The following AVEN variants were observed in gnomAD, a reference collection of about 807,000 sequenced individuals.
AVEN encodes the protein cell death regulator Aven.
Under a neutral mutation model 38.1 loss-of-function variants are expected in AVEN, and 41 were observed. That is an observed-to-expected ratio of 1.08 (90% CI 0.84 to 1.40). The LOEUF is 1.40. Ranked by LOEUF, AVEN falls within the 40% of genes most tolerant of loss-of-function variation. AVEN has a pLI of 0.00. For missense variants in AVEN, 605 were observed against 438.8 expected (o/e 1.38, Z -3.38); for synonymous variants, 206 against 171.8 (o/e 1.20, Z -1.56).
chr15:34,039,002 T>A lies in AVEN; in HGVS notation c.45A>T (p.Pro15=). Residue 15 remains proline (P), a synonymous_variant, in exon 1 of 6, where the codon CCA becomes CCT. Coordinates refer to ENST00000306730, the MANE Select transcript of AVEN (RefSeq NM_020371.3). The part of the protein sequence containing the change: ...RGARGGRGRR[P]GRGRPGGDRH... The stretch of plus-strand genomic sequence containing the variant: ...GATCTCCGCCAGGCCGGCCGCGGCC[T>A]GGCCGCCGCCCACGGCCTCCCCGAG... 1 of 1,116,638 alleles carries A rather than the reference T, an allele frequency of 9.0e-7. No homozygotes were observed. The highest frequency in any genetic ancestry group is 5.8e-5 in the East Asian group (1 of 17,254). 69.2% of individuals were successfully genotyped at this position (1,116,638 alleles called of 1,614,324 possible).
chr15:34,041,699 A>T (rs751639121), upstream of AVEN, among the ~76,000 whole-genome samples: 1 of 152,182 alleles, frequency 6.6e-6, no homozygotes, highest in Admixed American at 6.5e-5. Context: ...ACCTGATACT[A>T]TTCTAAGCAC....
intron 2 of AVEN, among the ~76,000 whole-genome samples, chr15:34,068,813 A>ATT (rs147560221): frequency 0.2 from 27,824 of 136,316 alleles, 3,628 homozygotes; most frequent in Middle Eastern, 0.28. Context: ...CTACAATCCA[A>ATT]TTTTTTTTTT....
At chr15:33,854,889 T>C, downstream of AVEN, 1 of 1,612,244 alleles carries the variant, frequency 6.2e-7, no homozygotes, top group Non-Finnish European at 8.5e-7. Flanking sequence ...CATTCTGTCA[T>C]CTGTAACTCA....
intron 2 of AVEN, among the ~76,000 whole-genome samples, chr15:33,941,634 G>T (rs1430547781): frequency 1.3e-5 from 2 of 151,686 alleles, no homozygotes; most frequent in Non-Finnish European, 2.9e-5. Context: ...TACAAAGTGA[G>T]AATAATTTAA....
Position 33,930,703 on chromosome 15 carries a change from C to T in AVEN, c.446-54708G>A, listed in dbSNP as rs56240443. ...GGGCGCGGTGGCTCACGCCTGTAAT[C>T]CCAGCACTTTGGGAGGCCGAGGCAG... is the stretch of plus-strand genomic sequence containing the variant. On this transcript the variant is annotated intron_variant, in intron 2 of 5. Transcript: ENST00000306730. Among the ~76,000 whole-genome samples the T allele has an allele frequency of 8.2e-3, 1,245 of 152,262 alleles. 10 individuals carry two copies. The highest frequency in any genetic ancestry group is 0.014 in the Non-Finnish European group (957 of 68,020).
chr15:33,870,355 CG>C (rs1567386537), intron 4 of AVEN, among the ~76,000 whole-genome samples: 1 of 152,174 alleles, frequency 6.6e-6, no homozygotes, highest in Non-Finnish European at 1.5e-5. Context: ...GCAGCCCCAT[CG>C]TTTTTATTAA....
At position 34,003,219 on chromosome 15, in the gene AVEN, T is replaced by C. The variant is rs1395743556; in HGVS notation, c.268-10A>G. On this transcript the variant is annotated splice_polypyrimidine_tract_variant and intron_variant, in intron 1 of 5. Transcript: ENST00000306730. Reference sequence around the variant, plus strand: ...CGCTGTCATCTTCAACCTGCAATCATTAGAGACAAATCAATAAGTAAGCAG... The same window carrying C: ...CGCTGTCATCTTCAACCTGCAATCACTAGAGACAAATCAATAAGTAAGCAG... The C allele has an allele frequency of 6.2e-7, 1 of 1,612,398 alleles. No individual in the cohort carries two copies. The highest frequency in any genetic ancestry group is 8.5e-7 in the Non-Finnish European group (1 of 1,179,514).
At chr15:34,060,085 C>T (rs1311635797) in intron 5 of AVEN, among the ~76,000 whole-genome samples, 1 of 152,202 alleles carries the variant, frequency 6.6e-6, no homozygotes, top group Non-Finnish European at 1.5e-5. Context: ...TCTGTGATGG[C>T]ATTTGCCTAG....
chr15:33,941,598 A>T (rs1044959681), intron 2 of AVEN, among the ~76,000 whole-genome samples: 2 of 152,222 alleles, frequency 1.3e-5, no homozygotes, highest in Admixed American at 6.5e-5. Context: ...AACAAAAATA[A>T]ACTTTTAAGC....
downstream of AVEN, chr15:33,864,953 T>G (rs1889966115): frequency 3.6e-6 from 2 of 550,948 alleles, no homozygotes; most frequent in Admixed American, 6.7e-5. Flanking sequence ...CAGAGAGACA[T>G]GGCTTCTTGC....
chr15:33,900,308 ATTTT>A (rs59027472), intron 2 of AVEN, among the ~76,000 whole-genome samples: 24 of 147,822 alleles, frequency 1.6e-4, no homozygotes, highest in African/African-American at 2.5e-4. Flanking sequence ...TTGGGAGAAC[ATTTT>A]TTTTTTTTTT....
intron 4 of AVEN, among the ~76,000 whole-genome samples, chr15:33,869,289 G>T (rs1207172818): frequency 6.6e-6 from 1 of 152,112 alleles, no homozygotes; most frequent in African/African-American, 2.4e-5. Flanking sequence ...CAGCATGGGT[G>T]GGGGAGAAAT....
intron 2 of AVEN, among the ~76,000 whole-genome samples, chr15:33,918,286 A>G (rs1489617195): frequency 3.3e-5 from 5 of 151,918 alleles, no homozygotes; most frequent in Admixed American, 6.5e-5. Context: ...AATAACCATA[A>G]ATTTTAAGCT....
the AVEN span, chr15:33,853,060 C>A: frequency 6.2e-7 from 1 of 1,605,682 alleles, no homozygotes; most frequent in Non-Finnish European, 8.5e-7. Context: ...TTCCTAATAA[C>A]TACTGGGACA....
chr15:33,859,839 C>A, intron 11 of AVEN: 1 of 1,234,298 alleles, frequency 8.1e-7, no homozygotes, highest in Non-Finnish European at 1.1e-6. Flanking sequence ...AATTCATTTA[C>A]TTGTTAATTT....
intron 5 of AVEN, among the ~76,000 whole-genome samples, chr15:34,044,379 C>T (rs1899606123): frequency 6.6e-6 from 1 of 152,208 alleles, no homozygotes; most frequent in Non-Finnish European, 1.5e-5. Context: ...CAGTTGATTA[C>T]TCCTTCCTCC....
chr15:33,921,576 A>T (rs993075256), intron 2 of AVEN, among the ~76,000 whole-genome samples: 1 of 152,220 alleles, frequency 6.6e-6, no homozygotes, highest in African/African-American at 2.4e-5. Flanking sequence ...TTGGAAAGGT[A>T]AGTTGGGAGC....
intron 2 of AVEN, among the ~76,000 whole-genome samples, chr15:33,946,775 CA>C (rs1894525029): frequency 6.6e-6 from 1 of 152,160 alleles, no homozygotes; most frequent in Non-Finnish European, 1.5e-5. Flanking sequence ...GAGGGTACAG[CA>C]AAGTAGCTGC....
intron 2 of AVEN, among the ~76,000 whole-genome samples, chr15:33,995,093 C>G (rs1896879057): frequency 6.6e-6 from 1 of 152,244 alleles, no homozygotes; most frequent in South Asian, 2.1e-4. Context: ...AAGGTCCTGT[C>G]TCTACAAAAA....
Sources: gnomAD v4.1 joint callset for allele counts (sites outside exome capture counted in the v4.1 genomes callset) on GRCh38, gnomAD v4.1.1 for gene constraint, MANE v1.5 for transcripts, NCBI Gene and HGNC (gene_info 2026-07-23, HGNC 2026-07-21) for gene names.